The following SLC4A5 variants were observed in gnomAD, a reference collection of about 807,000 sequenced individuals.
The protein encoded by SLC4A5 is electrogenic sodium bicarbonate cotransporter 4.
Under a neutral mutation model 120.4 loss-of-function variants are expected in SLC4A5, and 96 were observed. The observed-to-expected ratio is 0.80, with a 90% CI of 0.68 to 0.94. The LOEUF (loss-of-function observed/expected upper bound fraction) is 0.94. Among genes scored for constraint, SLC4A5 ranks in the 40% least tolerant of loss-of-function variants. SLC4A5 has a pLI of 0.00. For synonymous variants in SLC4A5, 550 were observed against 571.1 expected, an observed-to-expected ratio of 0.96 and a Z score of 0.53; for missense variants, 1,259 against 1,459.5, an observed-to-expected ratio of 0.86 and a Z score of 2.24.
At chr2:74,284,876 C>T (rs558661797) in intron 8 of SLC4A5, among the ~76,000 whole-genome samples, 2 of 152,296 alleles carry the variant, frequency 1.3e-5, no homozygotes, top group African/African-American at 4.8e-5. Flanking sequence ...TCCAACTCTG[C>T]AGCCCCAAAC....
intron 3 of SLC4A5, among the ~76,000 whole-genome samples, chr2:74,336,770 G>A (rs1377104068): frequency 6.6e-6 from 1 of 152,168 alleles, no homozygotes; most frequent in Non-Finnish European, 1.5e-5. Context: ...TCTTGTATAA[G>A]ATATTTTTAT....
At chr2:74,220,851 T>TC (rs1694617732) in intron 30 of SLC4A5, among the ~76,000 whole-genome samples, 1 of 120,706 alleles carries the variant, frequency 8.3e-6, no homozygotes, top group Non-Finnish European at 1.8e-5. Flanking sequence ...CTTTTTTTTT[T>TC]TTTTTTTGAG....
chr2:74,254,113 T>C (rs1384004431), intron 14 of SLC4A5, among the ~76,000 whole-genome samples: 2 of 152,120 alleles, frequency 1.3e-5, no homozygotes, highest in African/African-American at 4.8e-5. Flanking sequence ...AGAGTTAAAG[T>C]CCTCTAGGCT....
rs1251877359 is a variant in SLC4A5 at position 74,255,339 on chromosome 2, C to G, written c.1025+436G>C. ...ACGCAGTCTTGCTCTGTTGCCCAGG[C>G]TGGGGTGCAATAGCATGATCTCGGC... On this transcript the variant is annotated intron_variant, in intron 13 of 30. Transcript: ENST00000394019. The surrounding 1 kb of genome is among the most constrained non-coding windows in gnomAD (Gnocchi z 4.0). Among the ~76,000 whole-genome samples, 1 of 152,048 alleles carries G rather than the reference C, an allele frequency of 6.6e-6. No homozygotes were observed. The highest frequency in any genetic ancestry group is 2.4e-5 in the African/African-American group (1 of 41,390).
intron 8 of SLC4A5, among the ~76,000 whole-genome samples, chr2:74,281,437 G>A (rs989468859): frequency 2.0e-5 from 3 of 152,180 alleles, no homozygotes; most frequent in African/African-American, 7.2e-5. Context: ...TAAATAGTTT[G>A]CTCACAGTCA....
At chr2:74,303,713 G>T (rs1347529541) in intron 7 of SLC4A5, among the ~76,000 whole-genome samples, 1 of 152,202 alleles carries the variant, frequency 6.6e-6, no homozygotes, top group African/African-American at 2.4e-5. Flanking sequence ...TGTCTTGCAA[G>T]CTACCGTGCA....
At chr2:74,342,010 G>A (rs376897412) in intron 2 of SLC4A5, among the ~76,000 whole-genome samples, 48 of 152,158 alleles carry the variant, frequency 3.2e-4, no homozygotes, top group Non-Finnish European at 6.3e-4. Context: ...ATATAAAATT[G>A]CTCAAATTAT....
intron 20 of SLC4A5, among the ~76,000 whole-genome samples, chr2:74,240,850 C>T (rs1471171846): frequency 1.3e-5 from 2 of 152,048 alleles, no homozygotes; most frequent in African/African-American, 4.8e-5. Context: ...CAGTCAATTG[C>T]CTAGGCAGGA....
At chr2:74,316,656 C>G (rs932053152) in intron 5 of SLC4A5, among the ~76,000 whole-genome samples, 2 of 152,220 alleles carry the variant, frequency 1.3e-5, no homozygotes, top group Non-Finnish European at 2.9e-5. Context: ...GAAGAATAAA[C>G]TGTGTCCTAA....
At chr2:74,308,253 T>A (rs906078799) in intron 6 of SLC4A5, among the ~76,000 whole-genome samples, 2 of 152,238 alleles carry the variant, frequency 1.3e-5, no homozygotes, top group Non-Finnish European at 2.9e-5. Context: ...AGGAACATGA[T>A]CGCTGGTTCG....
chr2:74,312,354 C>T (rs1472716293), intron 6 of SLC4A5, among the ~76,000 whole-genome samples: 1 of 151,814 alleles, frequency 6.6e-6, no homozygotes, highest in African/African-American at 2.4e-5. Flanking sequence ...CTCAGCCTCC[C>T]GAGTAGTTGG....
In SLC4A5 at chr2:74,314,625, T is replaced by A. The variant is rs142886971; in HGVS notation, c.79+320A>T. On this transcript the variant is annotated intron_variant, in intron 6 of 30. Coordinates refer to ENST00000394019, the Ensembl canonical transcript of SLC4A5. Reference sequence around the variant, plus strand: ...TTTAATTGTGCTGTCAGTTTGGGAATCTATTAATATAAAATGTTGATATTT... The same window carrying A: ...TTTAATTGTGCTGTCAGTTTGGGAAACTATTAATATAAAATGTTGATATTT... Among the ~76,000 whole-genome samples, 38 of 152,356 alleles carry A rather than the reference T, an allele frequency of 2.5e-4. No homozygotes were observed. In the East Asian group the frequency reaches 7.3e-3, roughly 29 times the overall value.
intron 4 of SLC4A5, among the ~76,000 whole-genome samples, chr2:74,329,936 G>A (rs1673311275): frequency 6.6e-6 from 1 of 151,892 alleles, no homozygotes; most frequent in Non-Finnish European, 1.5e-5. Context: ...AGAGGTGTGA[G>A]GTGGAGATGG....
intron 2 of SLC4A5, 82 bp from the exon 3 acceptor site, chr2:74,338,985 A>G (rs190170640): frequency 1.6e-4 from 24 of 152,212 alleles, no homozygotes; most frequent in South Asian, 6.2e-4. Flanking sequence ...AGAATTAAAT[A>G]TGATACATGG....
chr2:74,285,038 AT>A (rs1256778681), intron 8 of SLC4A5, among the ~76,000 whole-genome samples: 1 of 152,076 alleles, frequency 6.6e-6, no homozygotes, highest in Non-Finnish European at 1.5e-5. Context: ...ACCATTTTAT[AT>A]TAAAGAACAT....
At position 74,255,874 on chromosome 2, in the gene SLC4A5, A is replaced by G. The variant is rs2104008235; in HGVS notation, c.926T>C (p.Val309Ala). ...CTGGTCTAGGAAGTCCACCTCGCCC[A>G]CGAGCACGTTGGACGCTTCTGAGTC... is the stretch of plus-strand genomic sequence containing the variant. Residue 309 changes from valine to alanine, a missense_variant, in exon 13 of 31, where the codon GTG (valine) becomes GCG (alanine). Physicochemically the swap from Val to Ala is moderately conservative, Grantham distance 64. Coordinates refer to ENST00000394019, the Ensembl canonical transcript of SLC4A5. This position sits in a 1 kb window ranked among gnomAD's most constrained non-coding sequence, Gnocchi z 4.0. The G allele has an allele frequency of 6.2e-7, 1 of 1,614,210 alleles. No homozygotes were observed. The highest frequency in any genetic ancestry group is 1.1e-5 in the South Asian group (1 of 91,082).
intron 8 of SLC4A5, among the ~76,000 whole-genome samples, chr2:74,268,921 A>T (rs1333358472): frequency 6.6e-6 from 1 of 152,170 alleles, no homozygotes; most frequent in Non-Finnish European, 1.5e-5. Flanking sequence ...CCATACATTT[A>T]TTTGAGACAA....
At chr2:74,250,399 T>C (rs1239639961) in exon 17 of SLC4A5, 1 of 1,614,168 alleles carries the variant, frequency 6.2e-7, no homozygotes, top group Non-Finnish European at 8.5e-7. Flanking sequence ...GCGTTGGTGA[T>C]ACAGCCGAGG....
At chr2:74,238,370 G>C (rs1312588452) in intron 21 of SLC4A5, among the ~76,000 whole-genome samples, 1 of 152,032 alleles carries the variant, frequency 6.6e-6, no homozygotes, top group Non-Finnish European at 1.5e-5. Context: ...TTTTCATTTT[G>C]GTGAAATTTA....
Sources: gnomAD v4.1 joint callset for allele counts (sites outside exome capture counted in the v4.1 genomes callset) on GRCh38, gnomAD v4.1.1 for gene constraint, Gnocchi (gnomAD v3.1) non-coding constraint, MANE v1.5 for transcripts, NCBI Gene and HGNC (gene_info 2026-07-23, HGNC 2026-07-21) for gene names.